Variants in PRSS58 observed in about 807,000 individuals in gnomAD.
PRSS58 encodes protease, serine 58.
PRSS58 carries 31 observed loss-of-function variants against 25.0 expected under a neutral mutation model. The observed-to-expected ratio is 1.24, with a 90% CI of 0.93 to 1.67. PRSS58 has a LOEUF of 1.67. Among genes scored for constraint, PRSS58 ranks in the 40% most tolerant of loss-of-function variants. The pLI is 0.00. For missense variants in PRSS58, 324 were observed against 287.9 expected (o/e 1.13, Z -0.91); for synonymous variants, 119 against 106.1 (o/e 1.12, Z -0.75).
chr7:142,257,667 C>T lies in PRSS58; in HGVS notation c.40+1G>A. On this transcript the variant is annotated splice_donor_variant, in intron 2 of 5. Transcript: ENST00000547058. LOFTEE classifies it high-confidence loss of function. ...AAAGAGACAAATATGCACACACTCA[C>T]CAGTCAGATTCAAGAGAGCCCAGAG... 3.1e-6 allele frequency: 5 copies of T among 1,611,930 alleles called. No individual in the cohort carries two copies. The highest frequency in any genetic ancestry group is 4.2e-6 in the Non-Finnish European group (5 of 1,178,132).
Position 142,257,702 on chromosome 7 carries a change from C to T in PRSS58, c.6G>A (p.Lys2=). ...TCAAGAGAGCCCAGAGGAGGATAAA[C>T]TTCATGATGATGTTGAAAGCCCAGT... M[K]FILLWALLNL... Residue 2 remains lysine, a synonymous_variant, in exon 2 of 6, where the codon AAG becomes AAA. Coordinates refer to ENST00000547058, the MANE Select transcript of PRSS58 (RefSeq NM_001001317.5). 3 of 1,613,090 alleles carry T rather than the reference C, an allele frequency of 1.9e-6. No homozygotes were observed. Among genetic ancestry groups the T allele is most frequent in the Non-Finnish European group, 2.5e-6 (3 of 1,179,228 alleles).
chr7:142,252,375 C>T lies in PRSS58; in HGVS notation c.577-5G>A, dbSNP rs1408286446. 4 of 1,612,028 alleles carry T rather than the reference C, an allele frequency of 2.5e-6. No individual in the cohort carries two copies. The Admixed American group carries it at 5.0e-5, about 20-fold the overall frequency. On this transcript the variant is annotated splice_region_variant and splice_polypyrimidine_tract_variant and intron_variant, in intron 5 of 5. Coordinates refer to ENST00000547058, the MANE Select transcript of PRSS58 (RefSeq NM_001001317.5). ...TGCCGGGGCAGCAGAAACTTCCTGC[C>T]AGGAAAACAATAATAACAACAACAA...
Position 142,255,529 on chromosome 7 carries a change from A to C in PRSS58, c.179+6T>G. Reference sequence around the variant, plus strand: ...AATGGAGTGCCTTTGAAGGCTTATCACTCACGGTAAATTGCAGTGTGCAGC... The same window carrying C: ...AATGGAGTGCCTTTGAAGGCTTATCCCTCACGGTAAATTGCAGTGTGCAGC... On this transcript the variant is annotated splice_donor_region_variant and intron_variant, in intron 3 of 5. Transcript: ENST00000547058. The C allele has an allele frequency of 6.2e-7, 1 of 1,614,034 alleles. No individual in the cohort carries two copies. The highest frequency in any genetic ancestry group is 8.5e-7 in the Non-Finnish European group (1 of 1,179,964).
At position 142,255,672 on chromosome 7, in the gene PRSS58, A is replaced by T. The variant is rs749713584; in HGVS notation, c.42T>A (p.Val14=). The part of the protein sequence containing the change: ...ILLWALLNLT[V]ALAFNPDYTV... ...TGTAATCTGGATTAAAGGCCAAAGCAACTGGAAAGAGAAGCATAGACAAGA... is the reference window on the plus strand; with the variant it reads ...TGTAATCTGGATTAAAGGCCAAAGCTACTGGAAAGAGAAGCATAGACAAGA... Residue 14 remains valine (V), a splice_region_variant and synonymous_variant, in exon 3 of 6, where the codon GTT becomes GTA. Coordinates refer to ENST00000547058, the MANE Select transcript of PRSS58 (RefSeq NM_001001317.5). 1.1e-5 allele frequency: 18 copies of T among 1,603,132 alleles called. No individual in the cohort carries two copies. The Admixed American group carries it at 3.1e-4, about 28-fold the overall frequency.
Position 142,257,754 on chromosome 7 carries a change from A to AAG in PRSS58, c.-41-8_-41-7dup, listed in dbSNP as rs1798582756. ...TAGCTCCAGTCTCTGGAAAACTGGGAAGAGAGAGAGAAAACAACTAAATAA... is the reference window on the plus strand; with the variant it reads ...TAGCTCCAGTCTCTGGAAAACTGGGAAGAGAGAGAGAGAAAACAACTAAATAA... On this transcript the variant is annotated splice_polypyrimidine_tract_variant and splice_region_variant and intron_variant, in intron 1 of 5. Coordinates refer to ENST00000547058, the MANE Select transcript of PRSS58 (RefSeq NM_001001317.5). 3 of 1,483,258 alleles carry AAG rather than the reference A, an allele frequency of 2.0e-6. No individual in the cohort carries two copies. The highest frequency in any genetic ancestry group is 3.5e-4 in the Middle Eastern group (2 of 5,786). The allele number at this position is 1,483,258 out of a possible 1,614,324, so 91.9% of individuals were successfully genotyped here.
In PRSS58 at chr7:142,253,622, G is replaced by C. The variant is rs186329046; in HGVS notation, c.437-1011C>G. 9.0e-5 allele frequency among the ~76,000 whole-genome samples: 13 copies of C among 144,624 alleles called. No individual in the cohort carries two copies. In the East Asian group the frequency reaches 2.6e-3, roughly 29 times the overall value. 94.9% of individuals were successfully genotyped at this position (144,624 alleles called of 152,430 possible). Reference sequence around the variant, plus strand: ...TTAATAATGGAAGAGTATGTTTAATGTTTTTATTTGAAAATAATGTATTAG... The same window carrying C: ...TTAATAATGGAAGAGTATGTTTAATCTTTTTATTTGAAAATAATGTATTAG... On this transcript the variant is annotated intron_variant, in intron 4 of 5. Coordinates refer to ENST00000547058, the MANE Select transcript of PRSS58 (RefSeq NM_001001317.5).
intron 4 of PRSS58, 105 bp from the exon 5 acceptor site, chr7:142,252,716 A>G (rs1338702717): frequency 4.8e-6 from 6 of 1,253,658 alleles, no homozygotes; most frequent in East Asian, 2.4e-5. Context: ...AAAGAGATCA[A>G]ACATTCAGAG....
chr7:142,252,759 G>A (rs539475834), intron 4 of PRSS58, 148 bp from the exon 5 acceptor site: 528 of 774,426 alleles, frequency 6.8e-4, no homozygotes, highest in Non-Finnish European at 9.6e-4. Context: ...GACAACGAGG[G>A]TATAGGAGAT....
At chr7:142,257,491 G>A (rs879202913) in intron 2 of PRSS58, among the ~76,000 whole-genome samples, 177 bp downstream of exon 2, 7 of 152,074 alleles carry the variant, frequency 4.6e-5, no homozygotes, top group Non-Finnish European at 8.8e-5. Context: ...AACCTCCTGC[G>A]GCAGGCAGGC....
rs1184514595 is a variant in PRSS58, at chr7:142,252,277, A to G, written c.670T>C (p.Tyr224His). The G allele has an allele frequency of 6.2e-7, 1 of 1,614,032 alleles. No individual in the cohort carries two copies. Among genetic ancestry groups the G allele is most frequent in the Non-Finnish European group, 8.5e-7 (1 of 1,179,898 alleles). ...GCVLRADVGIYAKIFYYIPWI... is the reference protein window; with the variant it reads ...GCVLRADVGIHAKIFYYIPWI... Reference sequence around the variant, plus strand: ...GGTATATAGTAAAAAATTTTGGCATAGATGCCAACATCAGCTCTCAAAACA... The same window carrying G: ...GGTATATAGTAAAAAATTTTGGCATGGATGCCAACATCAGCTCTCAAAACA... The change falls in exon 6 of 6, where the codon TAT becomes CAT. Residue 224 changes from tyrosine to histidine, a missense_variant. By Grantham distance (83) the Tyr-to-His change is moderately conservative. Coordinates refer to ENST00000547058, the MANE Select transcript of PRSS58 (RefSeq NM_001001317.5).
At position 142,255,098 on chromosome 7, in the gene PRSS58, G is replaced by T; in HGVS notation, c.393C>A (p.Thr131=). 6.2e-7 allele frequency: 1 copy of T among 1,613,908 alleles called. No individual in the cohort carries two copies. Among genetic ancestry groups the T allele is most frequent in the Non-Finnish European group, 8.5e-7 (1 of 1,179,842 alleles). ...NLPYQTISEN[T]MCSVSTWSYN... ...AGCTCCAGGTAGAGACAGAGCACAT[G>T]GTATTTTCAGAGATAGTTTGGTAGG... Residue 131 remains threonine (T), a synonymous_variant, in exon 4 of 6, where the codon ACC becomes ACA. Coordinates refer to ENST00000547058, the MANE Select transcript of PRSS58 (RefSeq NM_001001317.5).
intron 2 of PRSS58, 35 bp downstream of exon 2, chr7:142,257,633 T>G (rs201845416): frequency 6.4e-7 from 1 of 1,574,632 alleles, no homozygotes; most frequent in East Asian, 2.2e-5. Context: ...GGATTTCTCT[T>G]TGGTGGGTAA....
Position 142,255,532 on chromosome 7 carries a change from C to G in PRSS58, c.179+3G>C. Reference sequence around the variant, plus strand: ...GGAGTGCCTTTGAAGGCTTATCACTCACGGTAAATTGCAGTGTGCAGCTGT... The same window carrying G: ...GGAGTGCCTTTGAAGGCTTATCACTGACGGTAAATTGCAGTGTGCAGCTGT... On this transcript the variant is annotated splice_donor_region_variant and intron_variant, in intron 3 of 5. Transcript: ENST00000547058. 6.2e-7 allele frequency: 1 copy of G among 1,614,044 alleles called. No homozygotes were observed. The highest frequency in any genetic ancestry group is 1.1e-5 in the South Asian group (1 of 91,074).
chr7:142,256,403 G>A (rs1329403642), intron 2 of PRSS58, among the ~76,000 whole-genome samples: 1 of 152,124 alleles, frequency 6.6e-6, no homozygotes, highest in African/African-American at 2.4e-5. Flanking sequence ...AGTAGGACAG[G>A]GAAAGAGAGA....
chr7:142,252,872 GAAAC>G, intron 4 of PRSS58, among the ~76,000 whole-genome samples: 1 of 152,302 alleles, frequency 6.6e-6, no homozygotes, highest in East Asian at 1.9e-4. Flanking sequence ...GGAATGAAAT[GAAAC>G]ACTTTGTCTT....
Position 142,255,249 on chromosome 7 carries a change from A to T in PRSS58, c.242T>A (p.Val81Glu). The change falls in exon 4 of 6, where the codon GTG becomes GAG. Residue 81 changes from valine (V) to glutamate (E), a missense_variant. Transcript: ENST00000547058. ...PADSNEKHLQVIGYEKMIHHP... is the reference protein window; with the variant it reads ...PADSNEKHLQEIGYEKMIHHP... Reference sequence around the variant, plus strand: ...ATGAATCATCTTCTCATAGCCAATCACTTGCAGATGCTTTTCATTAGAGTC... The same window carrying T: ...ATGAATCATCTTCTCATAGCCAATCTCTTGCAGATGCTTTTCATTAGAGTC... 1.2e-6 allele frequency: 2 copies of T among 1,613,796 alleles called. No individual in the cohort carries two copies. Among genetic ancestry groups the T allele is most frequent in the Non-Finnish European group, 1.7e-6 (2 of 1,179,718 alleles).
chr7:142,256,609 T>C (rs932256759), intron 2 of PRSS58, among the ~76,000 whole-genome samples: 2 of 152,060 alleles, frequency 1.3e-5, no homozygotes, highest in African/African-American at 4.8e-5. Context: ...TGCCACCATA[T>C]CTGGTTAATT....
intron 5 of PRSS58, 45 bp downstream of exon 5, chr7:142,252,427 C>G (rs753419916): frequency 6.2e-7 from 1 of 1,611,198 alleles, no homozygotes; most frequent in Non-Finnish European, 8.5e-7. Context: ...TCTGGCAAGA[C>G]AGAAGGAAGA....
In PRSS58 at chr7:142,255,219, G is replaced by T; in HGVS notation, c.272C>A (p.Pro91Gln). The T allele has an allele frequency of 6.2e-7, 1 of 1,613,778 alleles. No individual in the cohort carries two copies. Among genetic ancestry groups the T allele is most frequent in the Non-Finnish European group, 8.5e-7 (1 of 1,179,710 alleles). ...VIGYEKMIHHPHFSVTSIDHD... is the reference protein window; with the variant it reads ...VIGYEKMIHHQHFSVTSIDHD... ...ATCAATAGAAGTGACTGAGAAGTGT[G>T]GATGATGAATCATCTTCTCATAGCC... The change falls in exon 4 of 6, where the codon CCA becomes CAA. Residue 91 changes from proline (P) to glutamine (Q), a missense_variant. Transcript: ENST00000547058.
Sources: gnomAD v4.1 joint callset for allele counts (sites outside exome capture counted in the v4.1 genomes callset) on GRCh38, gnomAD v4.1.1 for gene constraint, MANE v1.5 for transcripts, NCBI Gene and HGNC (gene_info 2026-07-23, HGNC 2026-07-21) for gene names.